The following ANAPC11 variants were observed in gnomAD, a reference collection of about 807,000 sequenced individuals.
ANAPC11 encodes anaphase-promoting complex subunit 11.
ANAPC11 carries 5 observed loss-of-function variants against 11.8 expected under a neutral mutation model. The ratio of observed to expected loss-of-function variants is 0.42; its 90% CI spans 0.22 to 0.89. ANAPC11 has a LOEUF of 0.89. ANAPC11 is among the 40% of genes least tolerant of loss of function. The pLI, the probability that ANAPC11 is intolerant of heterozygous loss-of-function variation, is 0.28. For synonymous variants in ANAPC11, 45 were observed against 41.0 expected (o/e 1.10, Z -0.38); for missense variants, 68 against 112.9 (o/e 0.60, Z 1.80).
rs1262902773 is a variant in ANAPC11 at position 81,894,593 on chromosome 17, G to A, written c.109+7G>A. ...AACGGATGCTGCCCTGACTGTGAGT[G>A]TCCCCTCCATGCTGTCTGAGCGGCC... is the stretch of plus-strand genomic sequence containing the variant. On this transcript the variant is annotated splice_region_variant and intron_variant, in intron 3 of 3. Transcript: ENST00000344877. 1 of 1,594,278 alleles carries A rather than the reference G, an allele frequency of 6.3e-7. No homozygotes were observed. The highest frequency in any genetic ancestry group is 1.1e-5 in the South Asian group (1 of 89,604).
At chr17:81,897,235 G>A (rs539994316) in intron 3 of ANAPC11, among the ~76,000 whole-genome samples, 8 of 152,008 alleles carry the variant, frequency 5.3e-5, no homozygotes, top group Admixed American at 2.0e-4. Context: ...TCTTGACCTC[G>A]TGATCCGCCC....
intron 3 of ANAPC11, chr17:81,898,971 C>T (rs894534790): frequency 5.5e-6 from 3 of 541,656 alleles, no homozygotes; most frequent in Non-Finnish European, 9.9e-6. Context: ...GGGCCGATAT[C>T]AAGCAGAGTT....
rs1006497291 is a variant in ANAPC11, at chr17:81,893,629, C to G, written c.-12+15C>G. ...CTCAACGTGAGGTAAAACCAAACTC[C>G]TGACTGTCCTGTGCTCCCAAATGTG... On this transcript the variant is annotated intron_variant, in intron 2 of 3. Coordinates refer to ENST00000344877, the MANE Select transcript of ANAPC11 (RefSeq NM_001002248.3). 5.9e-5 allele frequency: 9 copies of G among 152,180 alleles called. No homozygotes were observed. The highest frequency in any genetic ancestry group is 2.2e-4 in the African/African-American group (9 of 41,438). 9.4% of individuals were successfully genotyped at this position (152,180 alleles called of 1,614,324 possible).
intron 2 of ANAPC11, 48 bp from the exon 3 acceptor site, chr17:81,894,419 A>G: frequency 8.5e-7 from 1 of 1,169,772 alleles, no homozygotes; most frequent in Non-Finnish European, 1.3e-6. Context: ...TAAACGTTCT[A>G]GCTCTGCAGA....
intron 3 of ANAPC11, among the ~76,000 whole-genome samples, chr17:81,897,829 C>T (rs554840593): frequency 6.6e-6 from 1 of 152,180 alleles, no homozygotes; most frequent in African/African-American, 2.4e-5. Context: ...TGGAGTCTCA[C>T]TATGTTTCCC....
At chr17:81,896,191 T>G (rs995889271) in intron 3 of ANAPC11, among the ~76,000 whole-genome samples, 14 of 150,938 alleles carry the variant, frequency 9.3e-5, no homozygotes, top group African/African-American at 3.4e-4. Flanking sequence ...GAGGCCGAGG[T>G]GGATGGATCA....
intron 1 of ANAPC11, chr17:81,893,184 C>T (rs1292872438): frequency 6.6e-6 from 1 of 152,266 alleles, no homozygotes; most frequent in African/African-American, 2.4e-5. Context: ...CCTCCGCCTC[C>T]CAGGTTCAAG....
At chr17:81,891,570 G>A, upstream of ANAPC11, 2 of 1,439,210 alleles carry the variant, frequency 1.4e-6, no homozygotes, top group Non-Finnish European at 1.8e-6. Context: ...GGCGGGCGCG[G>A]AATCGGGCAT....
At chr17:81,892,625 C>A (rs1409315432) in intron 1 of ANAPC11, among the ~76,000 whole-genome samples, 2 of 145,318 alleles carry the variant, frequency 1.4e-5, no homozygotes, top group Admixed American at 6.8e-5. Context: ...TGGGTTCAAG[C>A]GAGTCTCCAG....
chr17:81,890,885 C>G (rs989934945), upstream of ANAPC11: 5 of 1,607,454 alleles, frequency 3.1e-6, no homozygotes, highest in African/African-American at 5.4e-5. Context: ...CTGACCCTCA[C>G]GGCTACTCCG....
chr17:81,897,217 T>C (rs775430356), intron 3 of ANAPC11, among the ~76,000 whole-genome samples: 2 of 152,054 alleles, frequency 1.3e-5, no homozygotes, highest in Non-Finnish European at 2.9e-5. Flanking sequence ...GCCAGGATGG[T>C]CTCGATCTCT....
In ANAPC11 at chr17:81,891,792, T is replaced by G; in HGVS notation, c.-124T>G. 3 of 260,094 alleles carry G rather than the reference T, an allele frequency of 1.2e-5. No homozygotes were observed. Among genetic ancestry groups the G allele is most frequent in the Non-Finnish European group, 1.4e-5 (2 of 140,658 alleles). The allele number at this position is 260,094 out of a possible 1,614,324, so 16.1% of individuals were successfully genotyped here. On this transcript the variant is annotated 5_prime_UTR_variant, in exon 1 of 4. Coordinates refer to ENST00000344877, the MANE Select transcript of ANAPC11 (RefSeq NM_001002248.3). ...CGGGCCGCGACTGTGGTCGTTTTTATACCTTCCCGCGCGGACGCCGGCGCT... is the reference window on the plus strand; with the variant it reads ...CGGGCCGCGACTGTGGTCGTTTTTAGACCTTCCCGCGCGGACGCCGGCGCT...
upstream of ANAPC11, chr17:81,891,443 G>T (rs2039527695): frequency 2.0e-6 from 2 of 1,017,340 alleles, no homozygotes; most frequent in East Asian, 9.6e-5. Flanking sequence ...GCGCCCCACC[G>T]CCGCGGCCGC....
chr17:81,896,486 A>G (rs901519495), intron 3 of ANAPC11, among the ~76,000 whole-genome samples: 1 of 152,228 alleles, frequency 6.6e-6, no homozygotes, highest in African/African-American at 2.4e-5. Context: ...GTTTTGCATC[A>G]GCGAAATGGT....
chr17:81,899,182 A>C (rs1397091649), intron 3 of ANAPC11: 1 of 1,530,682 alleles, frequency 6.5e-7, no homozygotes, highest in Non-Finnish European at 8.9e-7. Flanking sequence ...AGGCTCTTGG[A>C]GATCAGGGAC....
At chr17:81,890,988 C>G, upstream of ANAPC11, 2 of 1,010,264 alleles carry the variant, frequency 2.0e-6, no homozygotes, top group African/African-American at 1.6e-5. Flanking sequence ...CGAGGCCGCA[C>G]GGTCCCACCG....
Position 81,900,233 on chromosome 17 carries a change from C to T in ANAPC11, c.*168C>T, listed in dbSNP as rs2039897007. The T allele has an allele frequency of 1.9e-6, 2 of 1,076,610 alleles. No individual in the cohort carries two copies. The highest frequency in any genetic ancestry group is 1.6e-5 in the African/African-American group (1 of 62,322). 66.7% of individuals were successfully genotyped at this position (1,076,610 alleles called of 1,614,324 possible). ...GACACTTTTATCCAATAAGTGAAAA[C>T]TCATTAAACTACTCAAATCTTGCTG... On this transcript the variant is annotated 3_prime_UTR_variant, in exon 4 of 4. Transcript: ENST00000344877.
intron 3 of ANAPC11, chr17:81,899,569 C>T: frequency 1.9e-6 from 3 of 1,603,184 alleles, no homozygotes; most frequent in Non-Finnish European, 2.6e-6. Context: ...TTTCCCCAGC[C>T]TCAAGCACAG....
chr17:81,891,640 C>T (rs1216366664), upstream of ANAPC11: 4 of 1,308,608 alleles, frequency 3.1e-6, no homozygotes, highest in Non-Finnish European at 2.9e-6. Context: ...GTGAGGCCTT[C>T]CGGTGCCACG....
Sources: gnomAD v4.1 joint callset for allele counts (sites outside exome capture counted in the v4.1 genomes callset) on GRCh38, gnomAD v4.1.1 for gene constraint, MANE v1.5 for transcripts, NCBI Gene and HGNC (gene_info 2026-07-23, HGNC 2026-07-21) for gene names.